Variants in TMEM132C observed in about 807,000 individuals in gnomAD.
The protein encoded by TMEM132C is protein phosphatase 1, regulatory subunit 152.
A neutral mutation model predicts 61.4 loss-of-function variants in TMEM132C; 29 were observed. The ratio of observed to expected loss-of-function variants is 0.47; its 90% CI spans 0.35 to 0.64. The LOEUF is 0.64. TMEM132C is among the 30% of genes least tolerant of loss of function. The pLI, the probability that TMEM132C is intolerant of heterozygous loss-of-function variation, is 0.00. For missense variants in TMEM132C, 1,408 were observed against 1,476.9 expected (o/e 0.95, Z 0.76); for synonymous variants, 656 against 633.1 (o/e 1.04, Z -0.54).
intron 4 of TMEM132C, among the ~76,000 whole-genome samples, chr12:128,649,882 C>A (rs565869532): frequency 5.3e-5 from 8 of 152,298 alleles, no homozygotes; most frequent in African/African-American, 1.9e-4. Flanking sequence ...GTATTAGAAG[C>A]AAATTGACAG....
chr12:128,290,860 AAAG>A (rs1446642375), intron 1 of TMEM132C, among the ~76,000 whole-genome samples: 1,682 of 152,126 alleles, frequency 0.011, 25 homozygotes, highest in African/African-American at 0.039. Flanking sequence ...AAAAAAAAAA[AAAG>A]AAATAAGTGA....
In TMEM132C at chr12:128,278,438, C is replaced by T. The variant is rs1870762974; in HGVS notation, c.85+10951C>T. Among the ~76,000 whole-genome samples, 1 of 152,128 alleles carries T rather than the reference C, an allele frequency of 6.6e-6. No homozygotes were observed. Among genetic ancestry groups the T allele is most frequent in the African/African-American group, 2.4e-5 (1 of 41,426 alleles). On this transcript the variant is annotated intron_variant, in intron 1 of 8. Coordinates refer to ENST00000435159, the MANE Select transcript of TMEM132C (RefSeq NM_001136103.3). The surrounding 1 kb of genome is among the most constrained non-coding windows in gnomAD (Gnocchi z 4.2). ...TATCCTATTAACTAAATGACGTTTCCTAGCTGGGATCTCTCACTGCCTTCT... is the reference window on the plus strand; with the variant it reads ...TATCCTATTAACTAAATGACGTTTCTTAGCTGGGATCTCTCACTGCCTTCT...
At chr12:128,320,433 T>A (rs1872293873) in intron 1 of TMEM132C, among the ~76,000 whole-genome samples, 2 of 152,158 alleles carry the variant, frequency 1.3e-5, no homozygotes, top group Non-Finnish European at 2.9e-5. Context: ...GCTGATTTTT[T>A]ATTTACCTTT....
chr12:128,343,731 AC>A (rs1257681779), intron 1 of TMEM132C, among the ~76,000 whole-genome samples: 1 of 152,146 alleles, frequency 6.6e-6, no homozygotes, highest in Non-Finnish European at 1.5e-5. Flanking sequence ...CAGAAAAAAA[AC>A]CCTGTATTCA....
chr12:128,341,538 GA>G (rs954139143), intron 1 of TMEM132C, among the ~76,000 whole-genome samples: 1 of 152,112 alleles, frequency 6.6e-6, no homozygotes, highest in African/African-American at 2.4e-5. Context: ...TAGTTTATCG[GA>G]AAAAAATATA....
At chr12:128,378,310 G>A (rs917258405) in intron 1 of TMEM132C, among the ~76,000 whole-genome samples, 1 of 151,972 alleles carries the variant, frequency 6.6e-6, no homozygotes, top group African/African-American at 2.4e-5. Flanking sequence ...TAGAGACGGG[G>A]TTTGACCATG....
intron 3 of TMEM132C, among the ~76,000 whole-genome samples, chr12:128,555,177 G>A (rs990032682): frequency 2.0e-5 from 3 of 152,138 alleles, no homozygotes; most frequent in Admixed American, 6.5e-5. Context: ...ACCCAAAATC[G>A]TTGAAAATGG....
chr12:128,540,495 G>A (rs1167292291), intron 2 of TMEM132C, among the ~76,000 whole-genome samples: 1 of 152,062 alleles, frequency 6.6e-6, no homozygotes, highest in Non-Finnish European at 1.5e-5. Context: ...CTCATGATCT[G>A]CCTACCTCGG....
At chr12:128,457,135 T>C (rs2136064025) in intron 2 of TMEM132C, among the ~76,000 whole-genome samples, 1 of 152,260 alleles carries the variant, frequency 6.6e-6, no homozygotes, top group Middle Eastern at 3.4e-3. Flanking sequence ...CATGTTTTCA[T>C]ATATTGTGGA....
intron 5 of TMEM132C, among the ~76,000 whole-genome samples, chr12:128,679,979 A>G (rs891261518): frequency 1.3e-5 from 2 of 152,134 alleles, no homozygotes; most frequent in African/African-American, 4.8e-5. Context: ...CCAAGCAGAA[A>G]GAACAGCAAG....
intron 4 of TMEM132C, among the ~76,000 whole-genome samples, chr12:128,662,749 T>TA (rs1390018519): frequency 5.9e-5 from 9 of 152,302 alleles, no homozygotes; most frequent in Admixed American, 1.3e-4. Context: ...TTGGCTTTTT[T>TA]TTTCCTTTTT....
At chr12:128,337,763 CCTT>C (rs1270839235) in intron 1 of TMEM132C, among the ~76,000 whole-genome samples, 1 of 152,146 alleles carries the variant, frequency 6.6e-6, no homozygotes, top group African/African-American at 2.4e-5. Flanking sequence ...TCATAGCACT[CCTT>C]CTCATATTTC....
intron 1 of TMEM132C, among the ~76,000 whole-genome samples, chr12:128,392,048 C>G (rs73436689): frequency 0.028 from 3,519 of 127,444 alleles, 132 homozygotes; most frequent in African/African-American, 0.1. Context: ...CTCTCTCTGT[C>G]TCTGTCTCTC....
chr12:128,469,652 G>A (rs11059706), intron 2 of TMEM132C, among the ~76,000 whole-genome samples: 4 of 150,824 alleles, frequency 2.7e-5, no homozygotes, highest in Non-Finnish European at 5.9e-5. Context: ...GTGTGTGTGT[G>A]TGTGTGTGTG....
At chr12:128,599,036 A>T (rs752417814) in intron 3 of TMEM132C, among the ~76,000 whole-genome samples, 1 of 145,480 alleles carries the variant, frequency 6.9e-6, no homozygotes, top group Non-Finnish European at 1.5e-5. Context: ...TGACAGTGGG[A>T]AGGAAAAAAG....
chr12:128,469,632 G>C (rs1021081210), intron 2 of TMEM132C, among the ~76,000 whole-genome samples: 3 of 146,118 alleles, frequency 2.1e-5, no homozygotes, highest in African/African-American at 8.2e-5. Flanking sequence ...TGCTTTGTGT[G>C]TGTGTGTTTG....
intron 1 of TMEM132C, among the ~76,000 whole-genome samples, chr12:128,297,597 G>A (rs1170878574): frequency 1.3e-5 from 2 of 152,062 alleles, no homozygotes; most frequent in African/African-American, 4.8e-5. Context: ...GAAGGCACTC[G>A]ACTTGAACTG....
chr12:128,312,224 T>G (rs550792879), intron 1 of TMEM132C, among the ~76,000 whole-genome samples: 4 of 152,324 alleles, frequency 2.6e-5, no homozygotes, highest in Admixed American at 1.3e-4. Flanking sequence ...AAATAGGGTC[T>G]TTGTAGATGG....
chr12:128,289,113 A>G (rs1871169928), intron 1 of TMEM132C: 1 of 152,124 alleles, frequency 6.6e-6, no homozygotes. Flanking sequence ...CACGTGCACA[A>G]ATACATATGC....
Sources: gnomAD v4.1 joint callset for allele counts (sites outside exome capture counted in the v4.1 genomes callset) on GRCh38, gnomAD v4.1.1 for gene constraint, Gnocchi (gnomAD v3.1) non-coding constraint, MANE v1.5 for transcripts, NCBI Gene and HGNC (gene_info 2026-07-23, HGNC 2026-07-21) for gene names.